Variants in CCP110 observed in about 807,000 individuals in gnomAD.
CCP110 encodes centriolar coiled-coil protein of 110 kDa.
In CCP110, 43 loss-of-function variants were observed where a neutral mutation model predicts 105.5. That is an observed-to-expected ratio of 0.41 (90% CI 0.32 to 0.53). CCP110 has a LOEUF of 0.53. Among genes scored for constraint, CCP110 ranks in the 20% least tolerant of loss-of-function variants. The probability of loss-of-function intolerance (pLI) is 0.32; values close to 1 mark genes in which losing one functional copy is unlikely to be tolerated. For missense variants in CCP110, 1,016 were observed against 1,189.1 expected (o/e 0.85, Z 2.14); for synonymous variants, 353 against 392.1 (o/e 0.90, Z 1.18).
chr16:19,535,580 T>C (rs1221376344), intron 3 of CCP110, among the ~76,000 whole-genome samples: 2 of 152,210 alleles, frequency 1.3e-5, no homozygotes, highest in Admixed American at 6.5e-5. Context: ...TAATAACATA[T>C]GACTAGAAGA....
rs765252860 is a variant in CCP110 at position 19,532,574 on chromosome 16, TAAAG to T, written c.270+34_270+37del. 1.4e-5 allele frequency: 22 copies of T among 1,544,324 alleles called. 1 individual carries two copies. Among genetic ancestry groups the T allele is most frequent in the Middle Eastern group, 1.7e-4 (1 of 5,790 alleles). Reference sequence around the variant, plus strand: ...GTGATTTTAGCTGTTTCAGTTATAATAAAGAAATCATAAGATAAGCGTTGATGAT... The same window carrying T: ...GTGATTTTAGCTGTTTCAGTTATAATAAATCATAAGATAAGCGTTGATGAT... On this transcript the variant is annotated intron_variant, in intron 3 of 14. Transcript: ENST00000381396.
rs776233198 is a variant in CCP110, at chr16:19,540,662, G to A, written c.1924G>A (p.Glu642Lys). Residue 642 changes from glutamate to lysine, a missense_variant, in exon 5 of 15, where the codon GAG becomes AAG. By Grantham distance (56) the Glu-to-Lys change is moderately conservative. Transcript: ENST00000381396. ...GGAAACATGTTTCTTTTCAGAAAGC[G>A]AGGAGTTACTAAAAAGCAAGATGTT... 63 of 1,611,588 alleles carry A rather than the reference G, an allele frequency of 3.9e-5. No homozygotes were observed. Among genetic ancestry groups the A allele is most frequent in the Admixed American group, 6.7e-5 (4 of 59,722 alleles).
At chr16:19,535,942 T>A in exon 4 of CCP110, 1 of 1,552,044 alleles carries the variant, frequency 6.4e-7, no homozygotes, top group Non-Finnish European at 8.7e-7. Flanking sequence ...TGTTTCAGGT[T>A]AGAAAAGCAC....
exon 8 of CCP110, chr16:19,542,940 T>G (rs1488843952): frequency 1.2e-6 from 2 of 1,613,496 alleles, no homozygotes. Context: ...AAGGATTTCT[T>G]ACTCGTAGAC....
At chr16:19,552,328 G>A (rs1031790642) in exon 15 of CCP110, 1 of 152,130 alleles carries the variant, frequency 6.6e-6, no homozygotes, top group Admixed American at 6.6e-5. Flanking sequence ...TCAGGAGTTT[G>A]AGACCAGCCT....
At chr16:19,529,699 TAC>T (rs1969795510) in intron 2 of CCP110, among the ~76,000 whole-genome samples, 2 of 152,206 alleles carry the variant, frequency 1.3e-5, no homozygotes, top group Non-Finnish European at 2.9e-5. Context: ...AAAGCCCCAA[TAC>T]CATTATCACA....
intron 14 of CCP110, among the ~76,000 whole-genome samples, chr16:19,549,056 G>A (rs1473606861): frequency 6.6e-6 from 1 of 152,110 alleles, no homozygotes; most frequent in Non-Finnish European, 1.5e-5. Context: ...ATTTTGCTCA[G>A]TCCAAAGCTT....
chr16:19,546,448 G>C (rs752947776), exon 12 of CCP110: 33 of 1,589,344 alleles, frequency 2.1e-5, no homozygotes, highest in Non-Finnish European at 2.8e-5. Context: ...AGAAATTTCT[G>C]GTTAAACAAA....
chr16:19,539,252 A>G (rs956694366), intron 4 of CCP110, among the ~76,000 whole-genome samples: 2 of 151,890 alleles, frequency 1.3e-5, no homozygotes, highest in African/African-American at 4.8e-5. Flanking sequence ...CATTGTTGAT[A>G]ATTCTTTATT....
chr16:19,538,751 A>C (rs1970171843), intron 4 of CCP110, among the ~76,000 whole-genome samples: 1 of 152,182 alleles, frequency 6.6e-6, no homozygotes, highest in African/African-American at 2.4e-5. Flanking sequence ...TTGGTCCTTC[A>C]GTAAACACTT....
chr16:19,532,381 G>C (rs199627218), intron 2 of CCP110, 35 bp from the exon 3 acceptor site: 7 of 1,533,390 alleles, frequency 4.6e-6, no homozygotes, highest in East Asian at 4.6e-5. Flanking sequence ...TATTTTTATC[G>C]TGGGAAATAA....
At position 19,548,057 on chromosome 16, in the gene CCP110, G is replaced by C. The variant is rs1970521401; in HGVS notation, c.2900+43G>C. ...GGGTATTGAAAACTACGGAAACCAA[G>C]ATTAGATTTGAGAGGGAAAAATAAA... On this transcript the variant is annotated intron_variant, in intron 13 of 14. Coordinates refer to ENST00000381396, the Ensembl canonical transcript of CCP110. The surrounding 1 kb of genome is among the most constrained non-coding windows in gnomAD (Gnocchi z 4.1). The C allele has an allele frequency of 2.3e-6, 3 of 1,320,594 alleles. No homozygotes were observed. Among genetic ancestry groups the C allele is most frequent in the African/African-American group, 1.5e-5 (1 of 68,944 alleles). 81.8% of individuals were successfully genotyped at this position (1,320,594 alleles called of 1,614,324 possible). A position where few individuals can be genotyped will look rare whatever the true frequency, so the allele number is the denominator to read the frequency against.
At chr16:19,538,365 A>G (rs1970157728) in intron 4 of CCP110, among the ~76,000 whole-genome samples, 1 of 121,596 alleles carries the variant, frequency 8.2e-6, no homozygotes, top group African/African-American at 3.3e-5. Context: ...GCTGGAGTGC[A>G]GTGGCGGGTT....
chr16:19,524,149 AG>A (rs1969583499), intron 1 of CCP110, 61 bp downstream of exon 1: 1 of 152,740 alleles, frequency 6.5e-6, no homozygotes, highest in Non-Finnish European at 1.5e-5. Flanking sequence ...TGGTCTGGCG[AG>A]GCGAAATTGG....
At chr16:19,540,882 C>T in intron 5 of CCP110, 95 bp downstream of exon 5, 1 of 996,142 alleles carries the variant, frequency 1.0e-6, no homozygotes, top group Non-Finnish European at 1.5e-6. Flanking sequence ...TAATTTTTGC[C>T]TCCATATATC....
At chr16:19,545,941 T>A in intron 11 of CCP110, 51 bp downstream of exon 11, 1 of 1,054,008 alleles carries the variant, frequency 9.5e-7, no homozygotes, top group Non-Finnish European at 1.5e-6. Flanking sequence ...TTAATTTTAG[T>A]CATCTGTTGG....
exon 10 of CCP110, chr16:19,545,149 A>G: frequency 2.5e-6 from 4 of 1,612,802 alleles, no homozygotes; most frequent in Non-Finnish European, 3.4e-6. Context: ...GATGCAGCTG[A>G]AAGAATGTCT....
At chr16:19,543,965 A>T (rs1970376266) in intron 8 of CCP110, among the ~76,000 whole-genome samples, 1 of 152,194 alleles carries the variant, frequency 6.6e-6, no homozygotes, top group African/African-American at 2.4e-5. Flanking sequence ...CCTCAGAAGC[A>T]TGTGATCTTT....
intron 3 of CCP110, among the ~76,000 whole-genome samples, chr16:19,532,764 A>G (rs1274512362): frequency 1.3e-5 from 2 of 152,224 alleles, no homozygotes. Flanking sequence ...TATTTACACA[A>G]TAGAACCATA....
Sources: gnomAD v4.1 joint callset for allele counts (sites outside exome capture counted in the v4.1 genomes callset) on GRCh38, gnomAD v4.1.1 for gene constraint, Gnocchi (gnomAD v3.1) non-coding constraint, MANE v1.5 for transcripts, NCBI Gene and HGNC (gene_info 2026-07-23, HGNC 2026-07-21) for gene names.